The following PCDH9 variants were observed in gnomAD, a reference collection of about 807,000 sequenced individuals.
PCDH9 encodes protocadherin-9.
Under a neutral mutation model 70.6 loss-of-function variants are expected in PCDH9, and 24 were observed. That is an observed-to-expected ratio of 0.34 (90% CI 0.25 to 0.48). The LOEUF is 0.48. Among genes scored for constraint, PCDH9 ranks in the 20% least tolerant of loss-of-function variants. The probability of loss-of-function intolerance (pLI) is 0.99; values close to 1 mark genes in which losing one functional copy is unlikely to be tolerated. For synonymous variants in PCDH9, 562 were observed against 558.5 expected, an observed-to-expected ratio of 1.01 and a Z score of -0.09; for missense variants, 1,281 against 1,503.6, an observed-to-expected ratio of 0.85 and a Z score of 2.45.
intron 3 of PCDH9, among the ~76,000 whole-genome samples, chr13:66,869,602 T>C (rs1016368218): frequency 2.0e-5 from 3 of 152,218 alleles, no homozygotes; most frequent in Non-Finnish European, 4.4e-5. Flanking sequence ...TGAACAATGA[T>C]AATATTGATG....
chr13:66,394,363 C>A (rs1425749186), intron 4 of PCDH9, among the ~76,000 whole-genome samples: 2 of 152,086 alleles, frequency 1.3e-5, no homozygotes, highest in Non-Finnish European at 2.9e-5. Flanking sequence ...ATATTTATAT[C>A]TCTGGTGGAA....
At chr13:66,939,336 G>C (rs539774175) in intron 2 of PCDH9, among the ~76,000 whole-genome samples, 19 of 152,184 alleles carry the variant, frequency 1.2e-4, no homozygotes, top group African/African-American at 4.3e-4. Flanking sequence ...TTCTGAACAT[G>C]TGTTTACTTA....
At chr13:66,325,725 A>C (rs1055206900) in intron 4 of PCDH9, among the ~76,000 whole-genome samples, 1 of 151,140 alleles carries the variant, frequency 6.6e-6, no homozygotes, top group Non-Finnish European at 1.5e-5. Flanking sequence ...CATCAATGGG[A>C]GGTCACTCTT....
At chr13:66,614,315 C>G (rs1421825082) in intron 4 of PCDH9, among the ~76,000 whole-genome samples, 1 of 152,094 alleles carries the variant, frequency 6.6e-6, no homozygotes, top group Non-Finnish European at 1.5e-5. Context: ...AGAAGAGGTT[C>G]TCTGTGTGAA....
At chr13:66,333,672 G>C (rs767412827) in intron 4 of PCDH9, among the ~76,000 whole-genome samples, 2 of 152,082 alleles carry the variant, frequency 1.3e-5, no homozygotes, top group Non-Finnish European at 2.9e-5. Flanking sequence ...AAGTTTTGAA[G>C]GGTTATTTTT....
intron 3 of PCDH9, among the ~76,000 whole-genome samples, chr13:66,710,637 G>A (rs975691118): frequency 6.6e-6 from 1 of 152,112 alleles, no homozygotes; most frequent in African/African-American, 2.4e-5. Context: ...GTAACACTCA[G>A]ATGTATAACC....
At chr13:66,993,902 C>T (rs1349353961) in intron 2 of PCDH9, among the ~76,000 whole-genome samples, 1 of 151,694 alleles carries the variant, frequency 6.6e-6, no homozygotes, top group Non-Finnish European at 1.5e-5. Context: ...TTGCATCAGC[C>T]GAGATCTAGT....
chr13:67,205,657 G>A (rs1173807953), intron 2 of PCDH9: 2 of 152,098 alleles, frequency 1.3e-5, no homozygotes, highest in Non-Finnish European at 2.9e-5. Flanking sequence ...ACTACACATA[G>A]TGGACAAAAA....
chr13:66,481,185 AG>A, intron 4 of PCDH9, among the ~76,000 whole-genome samples: 1 of 152,086 alleles, frequency 6.6e-6, no homozygotes, highest in Admixed American at 6.5e-5. Flanking sequence ...GGATAACATT[AG>A]GAGAAATACC....
At chr13:67,025,413 C>T (rs150711793) in intron 2 of PCDH9, among the ~76,000 whole-genome samples, 66 of 152,066 alleles carry the variant, frequency 4.3e-4, no homozygotes, top group African/African-American at 1.5e-3. Flanking sequence ...AAATCCCTAA[C>T]GCAATTGAGA....
chr13:66,815,336 A>G (rs2080582956), intron 3 of PCDH9, among the ~76,000 whole-genome samples: 1 of 152,216 alleles, frequency 6.6e-6, no homozygotes, highest in African/African-American at 2.4e-5. Context: ...AATGTAAATT[A>G]GTTCAACCAT....
chr13:67,003,746 C>G (rs1229764156), intron 2 of PCDH9, among the ~76,000 whole-genome samples: 1 of 152,212 alleles, frequency 6.6e-6, no homozygotes, highest in Non-Finnish European at 1.5e-5. Context: ...AGATGTTTTA[C>G]TCTCTAGTCT....
At chr13:66,677,670 T>A (rs762529178) in intron 3 of PCDH9, among the ~76,000 whole-genome samples, 20 of 152,100 alleles carry the variant, frequency 1.3e-4, no homozygotes, top group African/African-American at 4.1e-4. Context: ...GCTTTCATCA[T>A]GTGATGTGCC....
At chr13:66,433,199 G>C (rs537325224) in intron 4 of PCDH9, among the ~76,000 whole-genome samples, 4 of 151,978 alleles carry the variant, frequency 2.6e-5, no homozygotes, top group Admixed American at 2.6e-4. Context: ...AATTATATGA[G>C]ACTAACTTGC....
At chr13:66,910,513 A>T (rs1248159239) in intron 2 of PCDH9, among the ~76,000 whole-genome samples, 1 of 135,600 alleles carries the variant, frequency 7.4e-6, no homozygotes, top group Non-Finnish European at 1.6e-5. Context: ...AGATATAAGA[A>T]TGCTTTATGC....
intron 2 of PCDH9, among the ~76,000 whole-genome samples, chr13:67,080,337 C>A (rs749097962): frequency 7.2e-5 from 11 of 152,114 alleles, no homozygotes; most frequent in Non-Finnish European, 1.6e-4. Context: ...TAACAAATTA[C>A]CCAATAAACT....
intron 2 of PCDH9, among the ~76,000 whole-genome samples, chr13:66,930,409 T>A (rs1237919427): frequency 6.6e-6 from 1 of 152,094 alleles, no homozygotes; most frequent in African/African-American, 2.4e-5. Flanking sequence ...AGGTGGAAAA[T>A]GAAACTAGAG....
intron 3 of PCDH9, among the ~76,000 whole-genome samples, chr13:66,852,945 T>C (rs1594153449): frequency 6.6e-6 from 1 of 151,968 alleles, no homozygotes. Context: ...TACACTGAAA[T>C]TTGAGACACA....
At chr13:66,965,759 CATT>C (rs1441659651) in intron 2 of PCDH9, among the ~76,000 whole-genome samples, 1 of 151,870 alleles carries the variant, frequency 6.6e-6, no homozygotes, top group African/African-American at 2.4e-5. Flanking sequence ...AAGGTGATAA[CATT>C]ATTACCATAT....
Sources: gnomAD v4.1 joint callset for allele counts (sites outside exome capture counted in the v4.1 genomes callset) on GRCh38, gnomAD v4.1.1 for gene constraint, MANE v1.5 for transcripts, NCBI Gene and HGNC (gene_info 2026-07-23, HGNC 2026-07-21) for gene names.